The following ENPP1 variants were observed in gnomAD, a reference collection of about 807,000 sequenced individuals.
The protein encoded by ENPP1 is ectonucleotide pyrophosphatase/phosphodiesterase 1, also known as ectonucleotide pyrophosphatase/phosphodiesterase family member 1.
Under a neutral mutation model 122.8 loss-of-function variants are expected in ENPP1, and 73 were observed. The observed-to-expected ratio is 0.59, with a 90% CI of 0.49 to 0.72. The LOEUF is 0.72. ENPP1 is among the 30% of genes least tolerant of loss of function. The probability of loss-of-function intolerance (pLI) is 0.00; values close to 1 mark genes in which losing one functional copy is unlikely to be tolerated. For missense variants in ENPP1, 978 were observed against 1,128.1 expected (o/e 0.87, Z 1.91); for synonymous variants, 367 against 391.6 (o/e 0.94, Z 0.74).
chr6:131,869,211 T>G, intron 12 of ENPP1, 147 bp from the exon 13 acceptor site: 1 of 760,446 alleles, frequency 1.3e-6, no homozygotes. Flanking sequence ...CAGCTGAAAT[T>G]CTGTCTTACC....
intron 24 of ENPP1, among the ~76,000 whole-genome samples, chr6:131,888,073 G>A (rs1007849320): frequency 6.6e-6 from 1 of 151,948 alleles, no homozygotes; most frequent in Non-Finnish European, 1.5e-5. Context: ...TGTTGGCCAG[G>A]CTGTTCTCTA....
chr6:131,835,529 T>C (rs1268746381), intron 1 of ENPP1, among the ~76,000 whole-genome samples: 2 of 152,354 alleles, frequency 1.3e-5, no homozygotes, highest in South Asian at 4.1e-4. Context: ...TATGTTTATC[T>C]AAAATAATTG....
chr6:131,808,086 G>A lies in ENPP1; in HGVS notation c.51G>A (p.Gly17=). The change falls in exon 1 of 25, where the codon GGG becomes GGA. Residue 17 remains glycine (G), a synonymous_variant. Transcript: ENST00000647893. Reference sequence around the variant, plus strand: ...GCGGGAGCCGCGGCGGCGAGGGCGGGCGCGCTCCCCGGGAGGGCCCGGCGG... The same window carrying A: ...GCGGGAGCCGCGGCGGCGAGGGCGGACGCGCTCCCCGGGAGGGCCCGGCGG... ...AGGGSRGGEG[G]RAPREGPAGN... 9.2e-7 allele frequency: 1 copy of A among 1,091,256 alleles called. No individual in the cohort carries two copies. The allele number at this position is 1,091,256 out of a possible 1,614,324, so 67.6% of individuals were successfully genotyped here.
At chr6:131,869,523 T>C (rs1212546511) in intron 13 of ENPP1, 34 bp downstream of exon 13, 3 of 1,605,618 alleles carry the variant, frequency 1.9e-6, no homozygotes, top group South Asian at 1.1e-5. Context: ...TTGAATATGG[T>C]CATATTAAGA....
intron 1 of ENPP1, among the ~76,000 whole-genome samples, chr6:131,816,345 A>G (rs940354265): frequency 6.6e-6 from 1 of 152,214 alleles, no homozygotes; most frequent in African/African-American, 2.4e-5. Flanking sequence ...TAAAATAAGC[A>G]TGCCTCCATC....
chr6:131,847,856 GGTGT>G lies in ENPP1; in HGVS notation c.313+43_313+46del, dbSNP rs59956343. The G allele has an allele frequency of 0.05, 58,237 of 1,171,032 alleles. 544 individuals carry two copies. The highest frequency in any genetic ancestry group is 0.11 in the African/African-American group (6,689 of 58,330). The allele number at this position is 1,171,032 out of a possible 1,614,324, so 72.5% of individuals were successfully genotyped here. A position where few individuals can be genotyped will look rare whatever the true frequency, so the allele number is the denominator to read the frequency against. ...CAAGCTGTGCCAAAGAAGGTAATTA[GGTGT>G]GTGTGTGTGTGTGTGTGTGTGTGTG... On this transcript the variant is annotated intron_variant, in intron 2 of 24. Transcript: ENST00000647893.
intron 1 of ENPP1, chr6:131,826,003 T>C: frequency 1.4e-6 from 1 of 692,928 alleles, no homozygotes; most frequent in South Asian, 1.6e-5. Context: ...TAAGCACGTC[T>C]GTAAATATTC....
At chr6:131,864,642 TACA>T in intron 10 of ENPP1, 71 bp downstream of exon 10, 1 of 1,121,100 alleles carries the variant, frequency 8.9e-7, no homozygotes, top group Non-Finnish European at 1.3e-6. Context: ...TAAAATAGAC[TACA>T]ACAAAACTTT....
rs75248580 is a variant in ENPP1 at position 131,878,903 on chromosome 6, G to C, written c.1945+310G>C. Among the ~76,000 whole-genome samples, 2,110 of 152,252 alleles carry C rather than the reference G, an allele frequency of 0.014. 53 individuals carry two copies. Among genetic ancestry groups the C allele is most frequent in the African/African-American group, 0.049 (2,017 of 41,552 alleles). On this transcript the variant is annotated intron_variant, in intron 19 of 24. Coordinates refer to ENST00000647893, the MANE Select transcript of ENPP1 (RefSeq NM_006208.3). ...TTTCTGTAAGTTGATAATAGAGACT[G>C]AGATTCCCATTTGAAATACCTAAGT...
intron 1 of ENPP1, among the ~76,000 whole-genome samples, chr6:131,832,358 G>A (rs1167155322): frequency 1.3e-5 from 2 of 152,060 alleles, no homozygotes; most frequent in African/African-American, 4.8e-5. Context: ...CTATATGTGT[G>A]GATTAGTTTT....
At chr6:131,860,528 T>A in intron 8 of ENPP1, 22 bp downstream of exon 8, 2 of 1,544,664 alleles carry the variant, frequency 1.3e-6, no homozygotes, top group Middle Eastern at 4.3e-4. Flanking sequence ...GTTTTTCTAC[T>A]AAAATAGTTA....
chr6:131,828,154 C>A, intron 1 of ENPP1: 1 of 579,444 alleles, frequency 1.7e-6, no homozygotes, highest in Non-Finnish European at 3.4e-6. Flanking sequence ...CGAGTGGGAT[C>A]GGAAACTGAT....
chr6:131,879,775 A>C, intron 19 of ENPP1, 105 bp from the exon 20 acceptor site: 1 of 1,045,116 alleles, frequency 9.6e-7, no homozygotes, highest in South Asian at 1.4e-5. Flanking sequence ...TTAAAAGTAA[A>C]TCTTCAATAT....
At chr6:131,843,345 T>C (rs1459467247) in intron 1 of ENPP1, among the ~76,000 whole-genome samples, 5 of 152,250 alleles carry the variant, frequency 3.3e-5, no homozygotes, top group African/African-American at 1.2e-4. Context: ...CCTCATCTTA[T>C]AAAAGGTAAA....
At position 131,831,959 on chromosome 6, in the gene ENPP1, C is replaced by G. The variant is rs150324278; in HGVS notation, c.241-15817C>G. 2.7e-4 allele frequency among the ~76,000 whole-genome samples: 41 copies of G among 152,120 alleles called. No homozygotes were observed. In the East Asian group the frequency reaches 7.3e-3, roughly 27 times the overall value. The stretch of plus-strand genomic sequence containing the variant: ...GTTCTCCCCCTTATATTTATTTATT[C>G]AGTCTTTTTCAGTATGGAGTCATTA... On this transcript the variant is annotated intron_variant, in intron 1 of 24. Transcript: ENST00000647893.
intron 1 of ENPP1, among the ~76,000 whole-genome samples, chr6:131,837,996 C>A (rs541219959): frequency 2.7e-4 from 41 of 151,818 alleles, no homozygotes; most frequent in African/African-American, 9.4e-4. Flanking sequence ...TGCCTTATTT[C>A]TTATTTTGAA....
intron 22 of ENPP1, 152 bp from the exon 23 acceptor site, chr6:131,884,779 C>CA (rs1274316552): frequency 1.7e-5 from 16 of 934,326 alleles, no homozygotes; most frequent in Non-Finnish European, 2.4e-5. Flanking sequence ...TGTCTCTAAA[C>CA]AAAAAACAAA....
At chr6:131,870,804 G>A (rs116555203) in intron 13 of ENPP1, among the ~76,000 whole-genome samples, 6 of 152,100 alleles carry the variant, frequency 3.9e-5, no homozygotes, top group East Asian at 1.9e-4. Flanking sequence ...GACTGGACAC[G>A]ATGGTGGCTC....
intron 15 of ENPP1, 61 bp downstream of exon 15, chr6:131,873,111 A>C: frequency 1.3e-6 from 2 of 1,556,628 alleles, no homozygotes; most frequent in Non-Finnish European, 1.8e-6. Context: ...CAGGGTAACC[A>C]TTGGGCCCTT....
Sources: allele counts gnomAD v4.1 joint callset (sites outside exome capture counted in the v4.1 genomes callset), GRCh38; gene constraint gnomAD v4.1.1; transcripts MANE v1.5; gene names NCBI Gene and HGNC (gene_info 2026-07-23, HGNC 2026-07-21).